LYPD6B: variants seen among roughly 807,000 people sequenced by gnomAD.
The protein encoded by LYPD6B is LY6/PLAUR domain containing 6B.
Under a neutral mutation model 22.8 loss-of-function variants are expected in LYPD6B, and 17 were observed. The observed-to-expected ratio is 0.75, with a 90% CI of 0.51 to 1.12. The LOEUF (loss-of-function observed/expected upper bound fraction) is 1.12, where lower values mean the gene tolerates loss of function less well. LYPD6B is among the 50% of genes most tolerant of loss of function. The pLI is 0.00. For missense variants in LYPD6B, 221 were observed against 258.3 expected (o/e 0.86, Z 0.99); for synonymous variants, 106 against 91.6 (o/e 1.16, Z -0.90).
At chr2:149,210,667 C>T (rs770445453) in intron 5 of LYPD6B, among the ~76,000 whole-genome samples, 7 of 152,166 alleles carry the variant, frequency 4.6e-5, no homozygotes, top group African/African-American at 1.4e-4. Flanking sequence ...ACAAGAATGA[C>T]ATTTCTTGTT....
intron 4 of LYPD6B, chr2:149,206,120 A>T (rs1278703844): frequency 2.5e-6 from 1 of 395,926 alleles, no homozygotes; most frequent in Non-Finnish European, 5.2e-6. Flanking sequence ...CGCCTGGAAG[A>T]GTATCAGAAT....
chr2:149,181,768 C>T (rs1247559273), intron 3 of LYPD6B, among the ~76,000 whole-genome samples: 1 of 152,176 alleles, frequency 6.6e-6, no homozygotes, highest in East Asian at 1.9e-4. Flanking sequence ...CTAGTCTCTG[C>T]CTCTAAACCT....
intron 2 of LYPD6B, among the ~76,000 whole-genome samples, chr2:149,146,927 AG>A (rs1335914851): frequency 6.6e-6 from 1 of 152,164 alleles, no homozygotes; most frequent in African/African-American, 2.4e-5. Context: ...GGCACAAGAA[AG>A]TCGAGGTGCA....
intron 1 of LYPD6B, among the ~76,000 whole-genome samples, chr2:149,056,037 G>A (rs1261996687): frequency 1.3e-5 from 2 of 152,120 alleles, no homozygotes; most frequent in African/African-American, 2.4e-5. Flanking sequence ...CAGGAGGTAC[G>A]GGCTGATTTC....
chr2:149,132,583 A>C (rs1192004557), intron 2 of LYPD6B, among the ~76,000 whole-genome samples: 1 of 152,024 alleles, frequency 6.6e-6, no homozygotes, highest in Non-Finnish European at 1.5e-5. Flanking sequence ...GAGAAGGAGA[A>C]AGGCTTTGAA....
chr2:149,189,371 CACACATATGTAT>C (rs1692350570), intron 3 of LYPD6B, among the ~76,000 whole-genome samples: 1 of 74,216 alleles, frequency 1.3e-5, no homozygotes, highest in Non-Finnish European at 2.6e-5. Flanking sequence ...TATATATACA[CACACATATGTAT>C]ATATGTATAT....
At chr2:149,192,244 C>T (rs570910593) in intron 3 of LYPD6B, among the ~76,000 whole-genome samples, 3 of 152,058 alleles carry the variant, frequency 2.0e-5, no homozygotes, top group Non-Finnish European at 4.4e-5. Context: ...TTTTTCTCAG[C>T]CTTCTTTCCA....
At chr2:149,085,267 C>T (rs1454582928) in intron 1 of LYPD6B, among the ~76,000 whole-genome samples, 1 of 152,208 alleles carries the variant, frequency 6.6e-6, no homozygotes, top group Non-Finnish European at 1.5e-5. Flanking sequence ...CCCACATGTT[C>T]GTGCCCTTCA....
At chr2:149,058,551 C>G (rs1481253299) in intron 1 of LYPD6B, among the ~76,000 whole-genome samples, 1 of 152,206 alleles carries the variant, frequency 6.6e-6, no homozygotes, top group African/African-American at 2.4e-5. Context: ...ATGAGGCTGT[C>G]ATTGGGACAG....
rs147776895 is a variant in LYPD6B, at chr2:149,148,262, C to T, written c.6-12502C>T. On this transcript the variant is annotated intron_variant, in intron 2 of 6. Transcript: ENST00000409642. Reference sequence around the variant, plus strand: ...TAATTCTAAACTGTGTTACATCTTCCCAGGGAAAAGAAATGCAGGACTTCA... The same window carrying T: ...TAATTCTAAACTGTGTTACATCTTCTCAGGGAAAAGAAATGCAGGACTTCA... 1.5e-3 allele frequency among the ~76,000 whole-genome samples: 233 copies of T among 152,142 alleles called. 1 individual carries two copies. Among genetic ancestry groups the T allele is most frequent in the African/African-American group, 5.4e-3 (226 of 41,490 alleles).
At chr2:149,054,613 G>A (rs1166237027) in intron 1 of LYPD6B, among the ~76,000 whole-genome samples, 2 of 152,154 alleles carry the variant, frequency 1.3e-5, no homozygotes, top group Non-Finnish European at 2.9e-5. Flanking sequence ...GACCAGTGCA[G>A]TGGCTCACAC....
chr2:149,154,840 C>G (rs372308276), intron 2 of LYPD6B, among the ~76,000 whole-genome samples: 1 of 152,096 alleles, frequency 6.6e-6, no homozygotes, highest in East Asian at 1.9e-4. Context: ...ATGCTATATG[C>G]TAGGGACCGA....
chr2:149,072,442 T>G (rs998763054), intron 1 of LYPD6B, among the ~76,000 whole-genome samples: 7 of 152,088 alleles, frequency 4.6e-5, no homozygotes, highest in Admixed American at 3.9e-4. Context: ...ATAAATGCTA[T>G]GAAGGATAAC....
At chr2:149,184,704 C>G (rs1464296946) in intron 3 of LYPD6B, among the ~76,000 whole-genome samples, 3 of 152,206 alleles carry the variant, frequency 2.0e-5, no homozygotes, top group Admixed American at 6.5e-5. Context: ...CTTCTGCACT[C>G]CAACCTCTGT....
intron 2 of LYPD6B, among the ~76,000 whole-genome samples, chr2:149,147,940 G>GTGTGTGTGTGTGTGTA (rs1171650654): frequency 7.3e-5 from 11 of 151,596 alleles, no homozygotes; most frequent in African/African-American, 2.7e-4. Context: ...GTGTGTGTGT[G>GTGTGTGTGTGTGTGTA]TATAGTCAGA....
chr2:149,169,303 C>G (rs1690661715), intron 3 of LYPD6B, among the ~76,000 whole-genome samples: 1 of 152,104 alleles, frequency 6.6e-6, no homozygotes, highest in Non-Finnish European at 1.5e-5. Context: ...CAAAGGCAAA[C>G]TCATGTTAAT....
intron 1 of LYPD6B, among the ~76,000 whole-genome samples, chr2:149,108,737 T>C (rs1686618528): frequency 6.6e-6 from 1 of 152,228 alleles, no homozygotes; most frequent in Non-Finnish European, 1.5e-5. Context: ...ATTTATTTTA[T>C]AATCACCCCC....
intron 1 of LYPD6B, among the ~76,000 whole-genome samples, chr2:149,075,052 A>G (rs1684818558): frequency 1.3e-5 from 2 of 152,208 alleles, no homozygotes; most frequent in Admixed American, 1.3e-4. Context: ...AGGACTTCGT[A>G]TTTCATAAAA....
At position 149,041,734 on chromosome 2, in the gene LYPD6B, G is replaced by A. The variant is rs545791859; in HGVS notation, c.-67+2933G>A. Reference sequence around the variant, plus strand: ...GAGATGCCTAGGGTGTGGCTGAGGGGAGGAAAGGAGCTGAGGTTGGAAAAG... The same window carrying A: ...GAGATGCCTAGGGTGTGGCTGAGGGAAGGAAAGGAGCTGAGGTTGGAAAAG... On this transcript the variant is annotated intron_variant, in intron 1 of 6. Coordinates refer to ENST00000409642, the MANE Select transcript of LYPD6B (RefSeq NM_177964.5). Among the ~76,000 whole-genome samples the A allele has an allele frequency of 2.6e-5, 4 of 152,300 alleles. No homozygotes were observed. The South Asian group carries it at 8.3e-4, about 32-fold the overall frequency.
Sources: allele counts gnomAD v4.1 joint callset (sites outside exome capture counted in the v4.1 genomes callset), GRCh38; gene constraint gnomAD v4.1.1; transcripts MANE v1.5; gene names NCBI Gene and HGNC (gene_info 2026-07-23, HGNC 2026-07-21).